Variants in PPFIA3 observed in about 807,000 individuals in gnomAD.
PPFIA3 encodes the protein liprin-alpha-3.
PPFIA3 carries 26 observed loss-of-function variants against 145.8 expected under a neutral mutation model. That is an observed-to-expected ratio of 0.18 (90% confidence interval 0.13 to 0.25). The LOEUF is 0.25. Ranked by LOEUF, PPFIA3 falls within the 10% of genes least tolerant of loss-of-function variation. PPFIA3 has a pLI of 1.00. For synonymous variants in PPFIA3, 645 were observed against 661.4 expected, an observed-to-expected ratio of 0.98 and a Z score of 0.38; for missense variants, 1,008 against 1,587.8, an observed-to-expected ratio of 0.63 and a Z score of 6.21.
At position 49,133,462 on chromosome 19, in the gene PPFIA3, G is replaced by C; in HGVS notation, c.1161+91G>C. ...GTGAATCTGGAGGGGTAGGAGCGAG[G>C]TCAGAACCCCGGATTTGGGGGAAAG... On this transcript the variant is annotated intron_variant, in intron 9 of 29. Transcript: ENST00000334186. This position sits in a 1 kb window ranked among gnomAD's most constrained non-coding sequence, Gnocchi z 7.2. 7.1e-7 allele frequency: 1 copy of C among 1,411,350 alleles called. No individual in the cohort carries two copies. Among genetic ancestry groups the C allele is most frequent in the Non-Finnish European group, 9.3e-7 (1 of 1,070,388 alleles). 87.4% of individuals were successfully genotyped at this position (1,411,350 alleles called of 1,614,324 possible).
At chr19:49,125,257 C>G (rs549700517) in intron 1 of PPFIA3, 4 of 152,650 alleles carry the variant, frequency 2.6e-5, no homozygotes, top group Admixed American at 2.6e-4. Context: ...CTCAGGCCCT[C>G]CTCTCCTCAC....
chr19:49,127,093 A>G (rs940571322), intron 1 of PPFIA3, among the ~76,000 whole-genome samples: 3 of 151,200 alleles, frequency 2.0e-5, no homozygotes, highest in Admixed American at 6.6e-5. Context: ...AAAAAAAAAA[A>G]AAAAAAAAGG....
intron 1 of PPFIA3, 137 bp from the exon 2 acceptor site, chr19:49,127,722 T>G: frequency 1.0e-6 from 1 of 999,212 alleles, no homozygotes. Flanking sequence ...TCACAGTGCC[T>G]GGGCCTCAGT....
chr19:49,149,355 GCT>G lies in PPFIA3; in HGVS notation c.3354+32_3354+33del. The stretch of plus-strand genomic sequence containing the variant: ...GCGCGGCAACAGCTCAGAGGGCTCT[GCT>G]CCCAGCGGCTCCTCGAGAGGCTGAG... On this transcript the variant is annotated intron_variant, in intron 27 of 29. Transcript: ENST00000334186. This position sits in a 1 kb window ranked among gnomAD's most constrained non-coding sequence, Gnocchi z 5.7. The G allele has an allele frequency of 6.2e-7, 1 of 1,611,828 alleles. No homozygotes were observed. The highest frequency in any genetic ancestry group is 8.5e-7 in the Non-Finnish European group (1 of 1,178,196).
rs765760089 is a variant in PPFIA3 at position 49,128,518 on chromosome 19, T to G, written c.342+50T>G. ...TAAGTGGGGGCGGGGCCTCGTGGTG[T>G]TGAAGTGGGGGGCGGGGCCTCTCAG... On this transcript the variant is annotated intron_variant, in intron 3 of 29. Transcript: ENST00000334186. This position sits in a 1 kb window ranked among gnomAD's most constrained non-coding sequence, Gnocchi z 4.1. 17 of 1,503,422 alleles carry G rather than the reference T, an allele frequency of 1.1e-5. No homozygotes were observed. Among genetic ancestry groups the G allele is most frequent in the Non-Finnish European group, 1.5e-5 (16 of 1,087,862 alleles). The allele number at this position is 1,503,422 out of a possible 1,614,324, so 93.1% of individuals were successfully genotyped here.
rs2041317772 is a variant in PPFIA3, at chr19:49,149,435, A to C, written c.3354+110A>C. The stretch of plus-strand genomic sequence containing the variant: ...GGTCACGGTTGGAGGCGGGGCCAGG[A>C]GAGGGGCGGGGTTAAAGGAGAGGTG... On this transcript the variant is annotated intron_variant, in intron 27 of 29. Transcript: ENST00000334186. This position sits in a 1 kb window ranked among gnomAD's most constrained non-coding sequence, Gnocchi z 5.7. 5.1e-6 allele frequency: 8 copies of C among 1,583,868 alleles called. No individual in the cohort carries two copies. The highest frequency in any genetic ancestry group is 6.9e-6 in the Non-Finnish European group (8 of 1,154,888).
chr19:49,133,088 C>T lies in PPFIA3; in HGVS notation c.967C>T (p.His323Tyr). 6.2e-7 allele frequency: 1 copy of T among 1,612,960 alleles called. No homozygotes were observed. The highest frequency in any genetic ancestry group is 8.5e-7 in the Non-Finnish European group (1 of 1,179,836). The change falls in exon 8 of 30, where the codon CAC becomes TAC. Residue 323 changes from histidine (H) to tyrosine (Y), a missense_variant. By Grantham distance (83) the His-to-Tyr change is moderately conservative. Around this residue, in one of 11 missense-constraint regions of PPFIA3, gnomAD observed 109 missense variants for 198.1 expected, o/e 0.55. Transcript: ENST00000334186. The surrounding 1 kb of genome is among the most constrained non-coding windows in gnomAD (Gnocchi z 7.2). ...CGCCCAGCGGGAGGCCACGTCTCTG[C>T]ACGACGCCAACGACAAACTGGAGAA... is the stretch of plus-strand genomic sequence containing the variant. ...LSAQREATSL[H>Y]DANDKLENEL...
Position 49,127,384 on chromosome 19 carries a change from A to G in PPFIA3, c.-15-475A>G, listed in dbSNP as rs1339582303. Among the ~76,000 whole-genome samples, 6 of 69,798 alleles carry G rather than the reference A, an allele frequency of 8.6e-5. No homozygotes were observed. The East Asian group carries it at 1.7e-3, about 19-fold the overall frequency. The allele number at this position is 69,798 out of a possible 152,430, so 45.8% of individuals were successfully genotyped here. On this transcript the variant is annotated intron_variant, in intron 1 of 29. Transcript: ENST00000334186. ...GCCTGGGTGACAGATCACTCCAGCT[A>G]AAAAAAAAAAAAAAAAAAAAAAAGA...
At chr19:49,138,848 G>A (rs186067823) in intron 16 of PPFIA3, among the ~76,000 whole-genome samples, 329 of 152,042 alleles carry the variant, frequency 2.2e-3, no homozygotes, top group Non-Finnish European at 3.6e-3. Flanking sequence ...GCACGTGCCT[G>A]TAATTCCAGT....
At position 49,130,168 on chromosome 19, in the gene PPFIA3, C is replaced by A; in HGVS notation, c.657+101C>A. ...ATCATCCTCACTGGCCCTAAGACGG[C>A]TGCACCTGTAAGAGTGTCACAGAGC... is the stretch of plus-strand genomic sequence containing the variant. On this transcript the variant is annotated intron_variant, in intron 6 of 29. Transcript: ENST00000334186. This position sits in a 1 kb window ranked among gnomAD's most constrained non-coding sequence, Gnocchi z 4.5. 1 of 1,317,766 alleles carries A rather than the reference C, an allele frequency of 7.6e-7. No individual in the cohort carries two copies. The highest frequency in any genetic ancestry group is 1.0e-6 in the Non-Finnish European group (1 of 960,970). The allele number at this position is 1,317,766 out of a possible 1,614,324, so 81.6% of individuals were successfully genotyped here.
At chr19:49,131,265 T>C (rs1600331466) in intron 7 of PPFIA3, among the ~76,000 whole-genome samples, 1 of 145,896 alleles carries the variant, frequency 6.9e-6, no homozygotes, top group Non-Finnish European at 1.5e-5. Context: ...GCCTCCCAGG[T>C]TCAAGCGATT....
chr19:49,143,554 G>A (rs558833274), intron 21 of PPFIA3, among the ~76,000 whole-genome samples: 2 of 152,160 alleles, frequency 1.3e-5, no homozygotes, highest in South Asian at 2.1e-4. Context: ...TGTATTTTTA[G>A]TAGAGACAGG....
chr19:49,148,027 C>T, intron 23 of PPFIA3, 56 bp from the exon 24 acceptor site: 1 of 1,536,150 alleles, frequency 6.5e-7, no homozygotes, highest in Non-Finnish European at 8.8e-7. Context: ...CCCTCTCATG[C>T]ACAGTGGGAA....
In PPFIA3 at chr19:49,133,234, C is replaced by G; in HGVS notation, c.1027-3C>G. 2 of 1,602,174 alleles carry G rather than the reference C, an allele frequency of 1.2e-6. No individual in the cohort carries two copies. Among genetic ancestry groups the G allele is most frequent in the Non-Finnish European group, 1.7e-6 (2 of 1,173,422 alleles). Reference sequence around the variant, plus strand: ...CCCCTCCCCCTGCCTCTCCCTCCCCCAGAGTGAAGAGAAGAGCCGTCAGCT... The same window carrying G: ...CCCCTCCCCCTGCCTCTCCCTCCCCGAGAGTGAAGAGAAGAGCCGTCAGCT... On this transcript the variant is annotated splice_region_variant and splice_polypyrimidine_tract_variant and intron_variant, in intron 8 of 29. Coordinates refer to ENST00000334186, the MANE Select transcript of PPFIA3 (RefSeq NM_003660.4). The surrounding 1 kb of genome is among the most constrained non-coding windows in gnomAD (Gnocchi z 7.2).
chr19:49,140,712 T>C (rs2041211201), intron 18 of PPFIA3, among the ~76,000 whole-genome samples: 1 of 131,562 alleles, frequency 7.6e-6, no homozygotes, highest in Admixed American at 9.1e-5. Flanking sequence ...TGGAGTGCAG[T>C]GGTGCTATCT....
chr19:49,150,463 C>T lies in PPFIA3; in HGVS notation c.*241C>T, dbSNP rs1215289660. The T allele has an allele frequency of 3.6e-6, 1 of 274,384 alleles. No individual in the cohort carries two copies. The highest frequency in any genetic ancestry group is 2.2e-5 in the African/African-American group (1 of 45,466). The allele number at this position is 274,384 out of a possible 1,614,324, so 17.0% of individuals were successfully genotyped here. A position where few individuals can be genotyped will look rare whatever the true frequency, so the allele number is the denominator to read the frequency against. On this transcript the variant is annotated 3_prime_UTR_variant, in exon 30 of 30. Coordinates refer to ENST00000334186, the MANE Select transcript of PPFIA3 (RefSeq NM_003660.4). The stretch of plus-strand genomic sequence containing the variant: ...GAAGCGGGGAGGAAGAAATCCCGCC[C>T]CAAACGTCCGCTTTCCTTTTCTCTA...
chr19:49,126,674 G>C (rs1371637322), intron 1 of PPFIA3, among the ~76,000 whole-genome samples: 1 of 151,438 alleles, frequency 6.6e-6, no homozygotes, highest in African/African-American at 2.4e-5. Flanking sequence ...CTGGCTAGTA[G>C]GTGAGACCAA....
chr19:49,132,516 A>G (rs2041088679), intron 7 of PPFIA3, among the ~76,000 whole-genome samples: 1 of 149,908 alleles, frequency 6.7e-6, no homozygotes, highest in Admixed American at 6.7e-5. Context: ...CTACCAGATG[A>G]GGGTCCATCT....
intron 15 of PPFIA3, among the ~76,000 whole-genome samples, chr19:49,137,724 A>C (rs972898426): frequency 6.6e-6 from 1 of 150,976 alleles, no homozygotes; most frequent in African/African-American, 2.4e-5. Context: ...CAATGGCCAT[A>C]TTCAGCAATT....
Sources: gnomAD v4.1 joint callset for allele counts (sites outside exome capture counted in the v4.1 genomes callset) on GRCh38, gnomAD v4.1.1 for gene constraint, gnomAD v4.1.1 regional missense constraint, Gnocchi (gnomAD v3.1) non-coding constraint, MANE v1.5 for transcripts, NCBI Gene and HGNC (gene_info 2026-07-23, HGNC 2026-07-21) for gene names.